The following TTC27 variants were observed in gnomAD, a reference collection of about 807,000 sequenced individuals.
The protein encoded by TTC27 is tetratricopeptide repeat protein 27.
In TTC27, 79 loss-of-function variants were observed where a neutral mutation model predicts 115.9. That is an observed-to-expected ratio of 0.68 (90% CI 0.57 to 0.82). The LOEUF is 0.82. Among genes scored for constraint, TTC27 ranks in the 40% least tolerant of loss-of-function variants. The pLI is 0.00. For synonymous variants in TTC27, 401 were observed against 356.0 expected (o/e 1.13, Z -1.42); for missense variants, 1,054 against 993.1 (o/e 1.06, Z -0.82).
chr2:32,733,120 G>A (rs1028600), intron 10 of TTC27, among the ~76,000 whole-genome samples: 72,980 of 152,028 alleles, frequency 0.48, 17,753 homozygotes, highest in Middle Eastern at 0.56. Flanking sequence ...TTGACCACTG[G>A]ATAGCTCCAG....
At chr2:32,665,847 C>T (rs1244910845) in intron 6 of TTC27, among the ~76,000 whole-genome samples, 2 of 152,104 alleles carry the variant, frequency 1.3e-5, no homozygotes, top group East Asian at 1.9e-4. Flanking sequence ...GCTGAGATCG[C>T]ACCACTGCAC....
chr2:32,702,010 CA>C (rs752550794), intron 9 of TTC27, among the ~76,000 whole-genome samples: 25 of 48,078 alleles, frequency 5.2e-4, no homozygotes, highest in East Asian at 1.3e-3. Flanking sequence ...GATCCTGTCT[CA>C]AAAAAAAAAA....
intron 5 of TTC27, among the ~76,000 whole-genome samples, chr2:32,658,042 T>C (rs538872416): frequency 6.6e-6 from 1 of 152,212 alleles, no homozygotes; most frequent in Non-Finnish European, 1.5e-5. Flanking sequence ...TTGGCCAGAC[T>C]GGTCTCGATC....
intron 4 of TTC27, among the ~76,000 whole-genome samples, chr2:32,642,472 C>G (rs924004582): frequency 6.6e-6 from 1 of 151,714 alleles, no homozygotes; most frequent in Admixed American, 6.6e-5. Flanking sequence ...GTGTTGGTTT[C>G]AAACTCCTAG....
At chr2:32,669,031 A>C in intron 7 of TTC27, among the ~76,000 whole-genome samples, 1 of 152,042 alleles carries the variant, frequency 6.6e-6, no homozygotes, top group Admixed American at 6.6e-5. Context: ...GTGAGCTGAG[A>C]TCGTGCCACT....
intron 9 of TTC27, among the ~76,000 whole-genome samples, chr2:32,691,892 A>G (rs1666824392): frequency 6.6e-6 from 1 of 151,910 alleles, no homozygotes; most frequent in Non-Finnish European, 1.5e-5. Context: ...CACAAATGTT[A>G]TTTGTAAGTG....
rs56058500 is a variant in TTC27, at chr2:32,676,555, G to A, written c.1053-2301G>A. On this transcript the variant is annotated intron_variant, in intron 8 of 19. Coordinates refer to ENST00000317907, the MANE Select transcript of TTC27 (RefSeq NM_017735.5). ...TGCCCAGGCTGGAGTGCAGTGGCAC[G>A]ATCTTGGCTCACTGCAACCTCTGCG... 3.4e-3 allele frequency among the ~76,000 whole-genome samples: 489 copies of A among 144,194 alleles called. 4 individuals are homozygous for A. Among genetic ancestry groups the A allele is most frequent in the African/African-American group, 0.012 (469 of 38,866 alleles). 94.6% of individuals were successfully genotyped at this position (144,194 alleles called of 152,430 possible).
chr2:32,777,785 T>C, intron 13 of TTC27, 97 bp from the exon 14 acceptor site: 1 of 1,103,174 alleles, frequency 9.1e-7, no homozygotes, highest in Non-Finnish European at 1.4e-6. Flanking sequence ...GCATTCTTTC[T>C]AGGAGTGTGT....
chr2:32,789,819 C>G (rs2148024797), intron 16 of TTC27, among the ~76,000 whole-genome samples: 1 of 145,908 alleles, frequency 6.9e-6, no homozygotes, highest in East Asian at 2.1e-4. Context: ...ACTCGGGAGG[C>G]TGAGGTGGGA....
chr2:32,732,745 A>C (rs959506934), intron 10 of TTC27, among the ~76,000 whole-genome samples: 4 of 152,196 alleles, frequency 2.6e-5, no homozygotes, highest in African/African-American at 7.2e-5. Flanking sequence ...ATCATCCTCA[A>C]ATATGAGAAC....
intron 10 of TTC27, among the ~76,000 whole-genome samples, chr2:32,711,801 G>C (rs189442312): frequency 6.6e-6 from 1 of 152,054 alleles, no homozygotes; most frequent in Non-Finnish European, 1.5e-5. Flanking sequence ...TTAACTGGGC[G>C]TGGTGGCAGG....
chr2:32,697,186 T>A (rs1250513116), intron 9 of TTC27, among the ~76,000 whole-genome samples: 1 of 102,014 alleles, frequency 9.8e-6, no homozygotes, highest in Non-Finnish European at 2.4e-5. Flanking sequence ...AGTGAGACCC[T>A]GTCTCAAAAA....
chr2:32,724,980 G>GAC (rs758168688), intron 10 of TTC27, among the ~76,000 whole-genome samples: 41 of 152,310 alleles, frequency 2.7e-4, no homozygotes, highest in Admixed American at 1.2e-3. Flanking sequence ...AGCAGACAAA[G>GAC]AGAGAGCTTG....
At chr2:32,781,358 GT>G (rs925593937) in intron 14 of TTC27, among the ~76,000 whole-genome samples, 1 of 152,002 alleles carries the variant, frequency 6.6e-6, no homozygotes, top group African/African-American at 2.4e-5. Flanking sequence ...TTCTGGTACT[GT>G]TTCTTATTAA....
At chr2:32,698,879 A>G (rs1236128127) in intron 9 of TTC27, among the ~76,000 whole-genome samples, 1 of 152,218 alleles carries the variant, frequency 6.6e-6, no homozygotes, top group Non-Finnish European at 1.5e-5. Flanking sequence ...CCTAGGTCAC[A>G]GTAATAAAAG....
intron 4 of TTC27, among the ~76,000 whole-genome samples, chr2:32,647,611 C>G (rs184115059): frequency 3.9e-5 from 6 of 152,264 alleles, no homozygotes; most frequent in African/African-American, 1.4e-4. Flanking sequence ...AGAAGCGAAC[C>G]AGGCTATGGT....
intron 8 of TTC27, among the ~76,000 whole-genome samples, chr2:32,673,287 C>A (rs142026984): frequency 1.7e-4 from 26 of 149,158 alleles, no homozygotes; most frequent in African/African-American, 6.2e-4. Context: ...TGCAATGGCA[C>A]AATCTTGGCT....
chr2:32,700,079 G>A (rs1374166226), intron 9 of TTC27, among the ~76,000 whole-genome samples: 2 of 152,182 alleles, frequency 1.3e-5, no homozygotes, highest in Non-Finnish European at 2.9e-5. Context: ...GGTGAGCACC[G>A]TTGCCCATGC....
chr2:32,659,794 C>G (rs547012966), intron 5 of TTC27, among the ~76,000 whole-genome samples: 18 of 152,234 alleles, frequency 1.2e-4, no homozygotes, highest in Middle Eastern at 3.4e-3. Context: ...TGTTAGTTTG[C>G]TGAGAATGAT....
Sources: allele counts gnomAD v4.1 joint callset (sites outside exome capture counted in the v4.1 genomes callset), GRCh38; gene constraint gnomAD v4.1.1; transcripts MANE v1.5; gene names NCBI Gene and HGNC (gene_info 2026-07-23, HGNC 2026-07-21).